The following SHTN1 variants were observed in gnomAD, a reference collection of about 807,000 sequenced individuals.
The protein encoded by SHTN1 is shootin-1.
In SHTN1, 42 loss-of-function variants were observed where a neutral mutation model predicts 83.1. The observed-to-expected ratio is 0.51, with a 90% CI of 0.39 to 0.65. The LOEUF (loss-of-function observed/expected upper bound fraction) is 0.65. SHTN1 is among the 30% of genes least tolerant of loss of function. The pLI is 0.00. For synonymous variants in SHTN1, 224 were observed against 247.7 expected (o/e 0.90, Z 0.90); for missense variants, 622 against 737.8 (o/e 0.84, Z 1.82).
At position 116,928,452 on chromosome 10, in the gene SHTN1, A is replaced by G. The variant is rs553934882; in HGVS notation, c.1013-561T>C. ...TTCTGGAAATGTATCGTATTCCTTC[A>G]AGTCTTTCATGAGGAAGGCATTTTA... On this transcript the variant is annotated intron_variant, in intron 10 of 16. Coordinates refer to ENST00000355371, the MANE Select transcript of SHTN1 (RefSeq NM_001127211.3). Among the ~76,000 whole-genome samples the G allele has an allele frequency of 3.3e-5, 5 of 152,332 alleles. No individual in the cohort carries two copies. The East Asian group carries it at 9.6e-4, about 29-fold the overall frequency.
chr10:116,968,610 G>A, intron 3 of SHTN1, 42 bp downstream of exon 3: 1 of 1,401,828 alleles, frequency 7.1e-7, no homozygotes, highest in South Asian at 1.2e-5. Flanking sequence ...ATCCCCAATA[G>A]GCTATATGTG....
At chr10:116,937,633 A>G (rs1849223700) in intron 9 of SHTN1, among the ~76,000 whole-genome samples, 1 of 151,972 alleles carries the variant, frequency 6.6e-6, no homozygotes, top group African/African-American at 2.4e-5. Context: ...TCTGATGATT[A>G]TGTGTCTTGG....
intron 1 of SHTN1, among the ~76,000 whole-genome samples, chr10:117,090,069 GAACTGA>G (rs1853406887): frequency 6.6e-6 from 1 of 152,172 alleles, no homozygotes; most frequent in African/African-American, 2.4e-5. Context: ...AAATCCCAAA[GAACTGA>G]AAGCAGAGTC....
intron 2 of SHTN1, among the ~76,000 whole-genome samples, chr10:117,025,988 CA>C (rs1471442962): frequency 2.0e-5 from 3 of 152,082 alleles, no homozygotes; most frequent in African/African-American, 7.2e-5. Flanking sequence ...AGCACATTCC[CA>C]GGTGTGGTGG....
chr10:116,921,965 T>C (rs1407443793), intron 11 of SHTN1, among the ~76,000 whole-genome samples: 4 of 152,198 alleles, frequency 2.6e-5, no homozygotes, highest in African/African-American at 9.6e-5. Flanking sequence ...GTAGACTAAA[T>C]ACTTATGGAT....
chr10:117,048,044 T>G (rs1483008932), intron 2 of SHTN1, among the ~76,000 whole-genome samples: 3 of 152,064 alleles, frequency 2.0e-5, no homozygotes, highest in Non-Finnish European at 4.4e-5. Context: ...TTTTTATAAG[T>G]GGAGGTGCAT....
At chr10:117,040,475 C>T (rs929601094) in intron 2 of SHTN1, among the ~76,000 whole-genome samples, 1 of 152,000 alleles carries the variant, frequency 6.6e-6, no homozygotes, top group Non-Finnish European at 1.5e-5. Context: ...ATTGACATAC[C>T]ACTACATGCC....
At chr10:116,976,386 G>A (rs1850808891) in intron 2 of SHTN1, among the ~76,000 whole-genome samples, 5 of 152,196 alleles carry the variant, frequency 3.3e-5, no homozygotes, top group Admixed American at 3.3e-4. Context: ...ATGACCTGGG[G>A]ACAAAGATAG....
At chr10:117,089,894 A>G (rs1589928142) in intron 1 of SHTN1, among the ~76,000 whole-genome samples, 1 of 152,166 alleles carries the variant, frequency 6.6e-6, no homozygotes, top group East Asian at 1.9e-4. Context: ...ATGGCTATCA[A>G]AAAACACAAA....
intron 1 of SHTN1, among the ~76,000 whole-genome samples, chr10:117,049,497 C>A (rs1265679213): frequency 1.3e-5 from 2 of 152,146 alleles, no homozygotes; most frequent in Non-Finnish European, 2.9e-5. Flanking sequence ...TATTTGTCAT[C>A]TTTGCCAGAC....
At chr10:117,075,086 G>A (rs925525559) in intron 1 of SHTN1, among the ~76,000 whole-genome samples, 2 of 152,084 alleles carry the variant, frequency 1.3e-5, no homozygotes, top group Non-Finnish European at 2.9e-5. Flanking sequence ...ATTAAAACAT[G>A]GAAACTGTAC....
intron 16 of SHTN1, chr10:116,900,766 A>G: frequency 1.0e-6 from 1 of 984,942 alleles, no homozygotes; most frequent in Non-Finnish European, 1.2e-6. Context: ...AAAAGAAAGG[A>G]AACACATGAC....
chr10:117,050,332 A>C (rs1852722865), intron 1 of SHTN1, among the ~76,000 whole-genome samples: 1 of 152,196 alleles, frequency 6.6e-6, no homozygotes, highest in Non-Finnish European at 1.5e-5. Context: ...ACAGCCATTA[A>C]AATTATAACA....
chr10:116,896,194 TATCAACCAAGAAC>T (rs1847512500), intron 16 of SHTN1, among the ~76,000 whole-genome samples: 1 of 152,196 alleles, frequency 6.6e-6, no homozygotes, highest in African/African-American at 2.4e-5. Context: ...ATTATACCTA[TATCAACCAAGAAC>T]ATCAGATTTA....
chr10:116,956,871 G>C (rs531440576), intron 4 of SHTN1, among the ~76,000 whole-genome samples: 1 of 152,016 alleles, frequency 6.6e-6, no homozygotes, highest in East Asian at 1.9e-4. Context: ...CCCCATTTTC[G>C]CATTTTGAAA....
chr10:117,092,742 G>A (rs546769583), intron 1 of SHTN1, among the ~76,000 whole-genome samples: 5 of 152,294 alleles, frequency 3.3e-5, no homozygotes, highest in African/African-American at 1.2e-4. Context: ...TATTCAGGGT[G>A]AGCTTTCACA....
chr10:117,105,602 AG>A (rs2133633988), intron 1 of SHTN1, among the ~76,000 whole-genome samples: 1 of 152,358 alleles, frequency 6.6e-6, no homozygotes, highest in Admixed American at 6.5e-5. Context: ...TTACAAACGT[AG>A]TCCAAAGATA....
chr10:117,056,716 C>T (rs1852831242), intron 1 of SHTN1, among the ~76,000 whole-genome samples: 1 of 152,248 alleles, frequency 6.6e-6, no homozygotes. Flanking sequence ...GAGGCTGAGG[C>T]AGGAGAATCA....
At chr10:117,079,535 C>T (rs1252383246) in intron 1 of SHTN1, among the ~76,000 whole-genome samples, 2 of 36,364 alleles carry the variant, frequency 5.5e-5, no homozygotes, top group Non-Finnish European at 1.1e-4. Flanking sequence ...GATTTATAGT[C>T]CTTTGGGTAT....
Sources: allele counts gnomAD v4.1 joint callset (sites outside exome capture counted in the v4.1 genomes callset), GRCh38; gene constraint gnomAD v4.1.1; transcripts MANE v1.5; gene names NCBI Gene and HGNC (gene_info 2026-07-23, HGNC 2026-07-21).